Variants in ANKS1B observed in about 807,000 individuals in gnomAD.
ANKS1B encodes the protein ankyrin repeat and sterile alpha motif domain-containing protein 1B.
In ANKS1B, 36 loss-of-function variants were observed where a neutral mutation model predicts 148.3. The observed-to-expected ratio is 0.24, with a 90% CI of 0.19 to 0.32. The LOEUF is 0.32. Ranked by LOEUF, ANKS1B falls within the 10% of genes least tolerant of loss-of-function variation. The pLI is 1.00. For missense variants in ANKS1B, 1,157 were observed against 1,542.6 expected (o/e 0.75, Z 4.19); for synonymous variants, 542 against 560.8 (o/e 0.97, Z 0.47).
chr12:99,822,159 AT>A (rs1166645222), intron 2 of ANKS1B, among the ~76,000 whole-genome samples: 2 of 152,162 alleles, frequency 1.3e-5, no homozygotes, highest in Non-Finnish European at 1.5e-5. Context: ...GACAAAAAAA[AT>A]GTCTTGCATT....
At chr12:99,881,273 T>C (rs61940325) in intron 1 of ANKS1B, among the ~76,000 whole-genome samples, 30,496 of 152,046 alleles carry the variant, frequency 0.2, 3,308 homozygotes, top group Non-Finnish European at 0.25. Flanking sequence ...ATATCATCAT[T>C]ATTACTTATG....
At chr12:99,580,434 T>C (rs966136191) in intron 9 of ANKS1B, among the ~76,000 whole-genome samples, 6 of 152,210 alleles carry the variant, frequency 3.9e-5, no homozygotes, top group African/African-American at 1.4e-4. Context: ...ATAAATATAA[T>C]GACAGAACAT....
downstream of ANKS1B, among the ~76,000 whole-genome samples, chr12:98,741,557 G>A (rs1056225480): frequency 6.6e-6 from 1 of 152,168 alleles, no homozygotes; most frequent in African/African-American, 2.4e-5. Context: ...AGCAGTGGTT[G>A]CCCCTGAGAT....
At chr12:99,270,587 C>T (rs901136703) in intron 12 of ANKS1B, among the ~76,000 whole-genome samples, 60 of 152,310 alleles carry the variant, frequency 3.9e-4, no homozygotes, top group Admixed American at 3.6e-3. Flanking sequence ...TAACACCTAT[C>T]CACAGTGTCC....
intron 17 of ANKS1B, chr12:98,893,407 A>C (rs1305454006): frequency 6.6e-6 from 1 of 152,086 alleles, no homozygotes; most frequent in African/African-American, 2.4e-5. Context: ...ATTTGGAAGA[A>C]ACCTCTGAGA....
intron 17 of ANKS1B, among the ~76,000 whole-genome samples, chr12:98,958,505 G>C (rs1343121989): frequency 4.6e-5 from 7 of 152,078 alleles, no homozygotes; most frequent in Non-Finnish European, 1.5e-5. Flanking sequence ...CTCCAAATTG[G>C]TACAGTAGGA....
At chr12:99,640,056 C>A (rs969275128) in intron 9 of ANKS1B, among the ~76,000 whole-genome samples, 2 of 152,074 alleles carry the variant, frequency 1.3e-5, no homozygotes, top group Admixed American at 1.3e-4. Flanking sequence ...CCTATCATCC[C>A]AGCTACTTGG....
At chr12:99,743,579 T>C (rs1817767520) in intron 8 of ANKS1B, among the ~76,000 whole-genome samples, 1 of 152,212 alleles carries the variant, frequency 6.6e-6, no homozygotes, top group Non-Finnish European at 1.5e-5. Context: ...GGAATCTGTA[T>C]GTGGCTGGAG....
chr12:98,755,503 G>C (rs749842353), intron 25 of ANKS1B, among the ~76,000 whole-genome samples: 1 of 152,206 alleles, frequency 6.6e-6, no homozygotes, highest in Non-Finnish European at 1.5e-5. Context: ...ATGCTTGCTT[G>C]CTTGCTGAAT....
At chr12:99,532,687 T>C (rs1373148807) in intron 9 of ANKS1B, among the ~76,000 whole-genome samples, 3 of 152,166 alleles carry the variant, frequency 2.0e-5, no homozygotes, top group Non-Finnish European at 2.9e-5. Context: ...TAATCTTGAG[T>C]TAATTTTTAT....
chr12:98,915,651 C>T (rs1402895555), intron 17 of ANKS1B, among the ~76,000 whole-genome samples: 1 of 152,114 alleles, frequency 6.6e-6, no homozygotes, highest in East Asian at 1.9e-4. Context: ...TCGTGCCTGG[C>T]CAAGACAATA....
At chr12:99,180,776 G>A (rs2079024255) in intron 14 of ANKS1B, among the ~76,000 whole-genome samples, 1 of 152,032 alleles carries the variant, frequency 6.6e-6, no homozygotes, top group South Asian at 2.1e-4. Flanking sequence ...TGGCCTCTTG[G>A]TTTGCTGACT....
rs185228562 is a variant in ANKS1B at position 98,947,800 on chromosome 12, T to C, written c.2778+105357A>G. Among the ~76,000 whole-genome samples the C allele has an allele frequency of 2.6e-4, 40 of 152,334 alleles. 1 individual carries two copies. The highest frequency in any genetic ancestry group is 2.0e-3 in the Admixed American group (31 of 15,312). On this transcript the variant is annotated intron_variant, in intron 17 of 26. Coordinates refer to ENST00000683438, the MANE Select transcript of ANKS1B (RefSeq NM_001352186.2). ...TATCCTTGTTGTGATGTGGTTTTCC[T>C]GTGTCTTCTGCTGCTAGATGTGATG...
intron 12 of ANKS1B, among the ~76,000 whole-genome samples, chr12:99,318,392 G>C (rs189082286): frequency 1.6e-4 from 25 of 152,204 alleles, no homozygotes; most frequent in Admixed American, 1.4e-3. Flanking sequence ...GTTTAGTCTT[G>C]GGAGGGTGTA....
chr12:99,000,559 G>A (rs532308318), intron 17 of ANKS1B, among the ~76,000 whole-genome samples: 4 of 152,132 alleles, frequency 2.6e-5, no homozygotes, highest in Non-Finnish European at 4.4e-5. Flanking sequence ...ATGAGCCACC[G>A]TGCTCGGCCA....
At chr12:99,929,724 A>C (rs541419418) in intron 1 of ANKS1B, among the ~76,000 whole-genome samples, 26 of 152,334 alleles carry the variant, frequency 1.7e-4, no homozygotes, top group African/African-American at 6.3e-4. Context: ...GTGGCTAGCC[A>C]GTTTTCCCAA....
intron 9 of ANKS1B, among the ~76,000 whole-genome samples, chr12:99,609,544 T>C (rs1174645969): frequency 2.1e-5 from 3 of 146,052 alleles, no homozygotes; most frequent in African/African-American, 7.9e-5. Flanking sequence ...GGACTTTTTA[T>C]AAGAAAAAAA....
At chr12:99,321,508 T>A (rs2085271485) in intron 12 of ANKS1B, among the ~76,000 whole-genome samples, 1 of 152,224 alleles carries the variant, frequency 6.6e-6, no homozygotes, top group Non-Finnish European at 1.5e-5. Context: ...CCGAGCCAAG[T>A]GCCGGATATA....
chr12:99,227,082 T>C (rs1230153483), intron 14 of ANKS1B, among the ~76,000 whole-genome samples: 3 of 152,182 alleles, frequency 2.0e-5, no homozygotes, highest in Admixed American at 6.5e-5. Flanking sequence ...CAGTTTCACA[T>C]TGAATTGTAA....
Sources: allele counts gnomAD v4.1 joint callset (sites outside exome capture counted in the v4.1 genomes callset), GRCh38; gene constraint gnomAD v4.1.1; transcripts MANE v1.5; gene names NCBI Gene and HGNC (gene_info 2026-07-23, HGNC 2026-07-21).